The following MYO9A variants were observed in gnomAD, a reference collection of about 807,000 sequenced individuals.
MYO9A encodes the protein unconventional myosin-IXa.
In MYO9A, 103 loss-of-function variants were observed where a neutral mutation model predicts 293.3. That is an observed-to-expected ratio of 0.35 (90% CI 0.30 to 0.41). The LOEUF (loss-of-function observed/expected upper bound fraction) is 0.41. MYO9A is among the 10% of genes least tolerant of loss of function. The probability of loss-of-function intolerance (pLI) is 1.00; values close to 1 mark genes in which losing one functional copy is unlikely to be tolerated. For synonymous variants in MYO9A, 1,001 were observed against 1,035.7 expected (o/e 0.97, Z 0.64); for missense variants, 2,685 against 3,033.0 (o/e 0.89, Z 2.69).
intron 18 of MYO9A, among the ~76,000 whole-genome samples, chr15:71,924,535 C>T (rs1000422237): frequency 7.9e-5 from 12 of 152,080 alleles, no homozygotes; most frequent in African/African-American, 2.9e-4. Context: ...AGCCAAGGCC[C>T]CCGGCTCCCA....
chr15:71,976,954 A>G (rs772174215), intron 12 of MYO9A, among the ~76,000 whole-genome samples: 15 of 152,190 alleles, frequency 9.9e-5, no homozygotes, highest in Non-Finnish European at 1.9e-4. Flanking sequence ...AAATAAATTC[A>G]ATTTCTAAAT....
intron 18 of MYO9A, among the ~76,000 whole-genome samples, chr15:71,928,027 A>ATATATAT (rs2058360113): frequency 9.3e-5 from 1 of 10,754 alleles, no homozygotes; most frequent in African/African-American, 2.2e-4. Context: ...ATACCTTTCT[A>ATATATAT]ATATATATAT....
chr15:71,842,456 G>C (rs1303157087), intron 39 of MYO9A, among the ~76,000 whole-genome samples: 1 of 152,070 alleles, frequency 6.6e-6, no homozygotes, highest in East Asian at 1.9e-4. Flanking sequence ...AGAACACTGA[G>C]GCATGGAGAT....
At chr15:72,101,837 C>G (rs1284934851) in intron 1 of MYO9A, among the ~76,000 whole-genome samples, 1 of 142,150 alleles carries the variant, frequency 7.0e-6, no homozygotes, top group Admixed American at 6.9e-5. Context: ...GCCCCCCGCC[C>G]GGCCAGCCGC....
chr15:72,100,608 C>T (rs1322243256), intron 1 of MYO9A, among the ~76,000 whole-genome samples: 2 of 151,244 alleles, frequency 1.3e-5, no homozygotes, highest in Non-Finnish European at 3.0e-5. Context: ...ACCTCTGCCC[C>T]GCCGCCCCGT....
At chr15:71,947,808 A>C (rs2058955927) in intron 15 of MYO9A, among the ~76,000 whole-genome samples, 1 of 152,152 alleles carries the variant, frequency 6.6e-6, no homozygotes, top group African/African-American at 2.4e-5. Context: ...CAATCATCCC[A>C]AACAGGACTG....
intron 11 of MYO9A, among the ~76,000 whole-genome samples, chr15:71,989,055 C>T (rs189557103): frequency 2.2e-4 from 33 of 152,166 alleles, no homozygotes; most frequent in East Asian, 1.9e-3. Flanking sequence ...TCACCACACA[C>T]GGCTAATTTT....
Position 72,046,129 on chromosome 15 carries a change from C to T in MYO9A, c.435G>A (p.Gln145=). The change falls in exon 2 of 42, where the codon CAG becomes CAA. Residue 145 remains glutamine, a synonymous_variant. Transcript: ENST00000356056. ...AACTACATAAATCATCAAAGTCTTT[C>T]TGTTGAGGCTGTGGAAGAAAACCCC... ...MERGFLPQPQ[Q]KDFDDLCSLP... is the part of the protein sequence containing the mutation. 6.2e-7 allele frequency: 1 copy of T among 1,614,166 alleles called. No individual in the cohort carries two copies.
intron 19 of MYO9A, among the ~76,000 whole-genome samples, chr15:71,915,984 C>T (rs2058000357): frequency 6.6e-6 from 1 of 152,116 alleles, no homozygotes. Flanking sequence ...AAAAAACCTT[C>T]AGCCTCATTT....
intron 12 of MYO9A, among the ~76,000 whole-genome samples, chr15:71,975,216 T>C (rs1217711429): frequency 6.6e-6 from 1 of 152,190 alleles, no homozygotes; most frequent in Non-Finnish European, 1.5e-5. Flanking sequence ...TCTAGTAATG[T>C]AGCAGTATGT....
chr15:71,994,016 CA>C (rs2076622903), intron 10 of MYO9A, among the ~76,000 whole-genome samples: 1 of 149,764 alleles, frequency 6.7e-6, no homozygotes, highest in Admixed American at 6.6e-5. Flanking sequence ...AATGTATACA[CA>C]GGTAAGTAAA....
intron 25 of MYO9A, among the ~76,000 whole-genome samples, chr15:71,895,570 T>C (rs1396796709): frequency 1.3e-5 from 2 of 152,188 alleles, no homozygotes; most frequent in Non-Finnish European, 2.9e-5. Flanking sequence ...ATCTGTAACA[T>C]GTGGGAACTG....
intron 1 of MYO9A, among the ~76,000 whole-genome samples, chr15:72,072,815 T>C (rs1306820848): frequency 6.6e-6 from 1 of 152,090 alleles, no homozygotes; most frequent in African/African-American, 2.4e-5. Flanking sequence ...ATTTGGGTGA[T>C]GGGTTCAGTA....
chr15:71,918,743 A>G (rs1042161406), intron 18 of MYO9A, among the ~76,000 whole-genome samples: 2 of 152,222 alleles, frequency 1.3e-5, no homozygotes, highest in African/African-American at 4.8e-5. Flanking sequence ...TACTATGGAG[A>G]AAAAGACCTT....
intron 12 of MYO9A, among the ~76,000 whole-genome samples, chr15:71,975,303 C>CGT (rs3028361): frequency 0.76 from 109,564 of 143,662 alleles, 42,834 homozygotes; most frequent in Middle Eastern, 0.84. Flanking sequence ...ATGATTTTAT[C>CGT]GTGTGTGTGT....
intron 32 of MYO9A, among the ~76,000 whole-genome samples, chr15:71,871,980 T>C (rs2056529231): frequency 6.6e-6 from 1 of 151,850 alleles, no homozygotes; most frequent in Non-Finnish European, 1.5e-5. Context: ...AAAAAACTGG[T>C]AACAGTATCT....
At chr15:71,906,252 T>C (rs774760882) in intron 19 of MYO9A, among the ~76,000 whole-genome samples, 14 of 152,326 alleles carry the variant, frequency 9.2e-5, no homozygotes, top group Middle Eastern at 3.4e-3. Flanking sequence ...CCTTGGCAAG[T>C]ATTTCATGGG....
chr15:71,935,331 T>C lies in MYO9A; in HGVS notation c.2522+10A>G. On this transcript the variant is annotated intron_variant, in intron 17 of 41. Coordinates refer to ENST00000356056, the MANE Select transcript of MYO9A (RefSeq NM_006901.4). The stretch of plus-strand genomic sequence containing the variant: ...ACAAAAAACAATTTACATTACTGAT[T>C]AGTACTGACGTGAGAATTCCATGGG... The C allele has an allele frequency of 2.5e-6, 4 of 1,599,478 alleles. No homozygotes were observed. The highest frequency in any genetic ancestry group is 1.1e-5 in the South Asian group (1 of 88,262).
chr15:71,902,882 T>C, intron 22 of MYO9A, 59 bp downstream of exon 22: 2 of 1,318,994 alleles, frequency 1.5e-6, no homozygotes, highest in South Asian at 3.2e-5. Flanking sequence ...TAGGCAAAAA[T>C]TATTATTTTT....
Sources: allele counts gnomAD v4.1 joint callset (sites outside exome capture counted in the v4.1 genomes callset), GRCh38; gene constraint gnomAD v4.1.1; transcripts MANE v1.5; gene names NCBI Gene and HGNC (gene_info 2026-07-23, HGNC 2026-07-21).